The following AP1G2 variants were observed in gnomAD, a reference collection of about 807,000 sequenced individuals.
AP1G2 encodes adaptor related protein complex 1 subunit gamma 2.
AP1G2 carries 85 observed loss-of-function variants against 95.8 expected under a neutral mutation model. The observed-to-expected ratio is 0.89, with a 90% CI of 0.74 to 1.06. The LOEUF (loss-of-function observed/expected upper bound fraction) is 1.06, where lower values mean the gene tolerates loss of function less well. Among genes scored for constraint, AP1G2 ranks in the 50% least tolerant of loss-of-function variants. The pLI, the probability that AP1G2 is intolerant of heterozygous loss-of-function variation, is 0.00. For synonymous variants in AP1G2, 378 were observed against 400.0 expected, an observed-to-expected ratio of 0.94 and a Z score of 0.66; for missense variants, 967 against 1,005.8, an observed-to-expected ratio of 0.96 and a Z score of 0.52.
Position 23,564,158 on chromosome 14 carries a change from A to T in AP1G2, c.979T>A (p.Tyr327Asn). ...CGAAGCAGTGATGTCAGGGCTACAT[A>T]CCTGGTCAGGATGGGGGAGGTTCTA... is the stretch of plus-strand genomic sequence containing the variant. ...FLLNSDRNIR[Y>N]VALTSLLRLV... Residue 327 changes from tyrosine (Y) to asparagine (N), a missense_variant and splice_region_variant, in exon 11 of 22, where the codon TAT becomes AAT. Physicochemically the swap from Tyr to Asn is moderately radical, Grantham distance 143. Coordinates refer to ENST00000397120, the MANE Select transcript of AP1G2 (RefSeq NM_003917.5). 3.7e-6 allele frequency: 6 copies of T among 1,613,788 alleles called. No individual in the cohort carries two copies. Among genetic ancestry groups the T allele is most frequent in the Non-Finnish European group, 5.1e-6 (6 of 1,179,878 alleles).
In AP1G2 at chr14:23,567,424, T is replaced by C. The variant is rs1888601219; in HGVS notation, c.-5-105A>G. 7.0e-7 allele frequency: 1 copy of C among 1,432,146 alleles called. No homozygotes were observed. The allele number at this position is 1,432,146 out of a possible 1,614,324, so 88.7% of individuals were successfully genotyped here. On this transcript the variant is annotated intron_variant, in intron 1 of 21. Transcript: ENST00000397120. This position sits in a 1 kb window ranked among gnomAD's most constrained non-coding sequence, Gnocchi z 5.3. ...ACCCTAAGAGCCCGGGTCCCACAGG[T>C]ACCCTAAAATTGCGCCCGCATTTTA... is the stretch of plus-strand genomic sequence containing the variant.
intron 20 of AP1G2, 76 bp downstream of exon 20, chr14:23,560,179 C>T (rs1166515369): frequency 6.4e-7 from 1 of 1,560,296 alleles, no homozygotes; most frequent in African/African-American, 1.4e-5. Context: ...CACACTGTCT[C>T]CCACCCACCT....
At chr14:23,563,917 C>T in intron 11 of AP1G2, 61 bp from the exon 12 acceptor site, 2 of 1,600,416 alleles carry the variant, frequency 1.2e-6, no homozygotes, top group Non-Finnish European at 8.5e-7. Context: ...ATGCCTCAGG[C>T]CCTCTGCTTC....
intron 15 of AP1G2, 39 bp from the exon 16 acceptor site, chr14:23,562,454 C>G (rs776878128): frequency 6.2e-7 from 1 of 1,613,820 alleles, no homozygotes; most frequent in Non-Finnish European, 8.5e-7. Context: ...TGGTGCAAGT[C>G]CTGTCCCCCT....
chr14:23,560,277 A>G lies in AP1G2; in HGVS notation c.2135T>C (p.Ile712Thr), dbSNP rs137928651. Residue 712 changes from isoleucine to threonine, a missense_variant, in exon 20 of 22, where the codon ATC becomes ACC. By Grantham distance (89) the Ile-to-Thr change is moderately conservative. Transcript: ENST00000397120. Reference sequence around the variant, plus strand: ...AACCTTGGGCACAGCAGCCTGGCAGATGAAATGGGTGACATCACCCTCTGA... The same window carrying G: ...AACCTTGGGCACAGCAGCCTGGCAGGTGAAATGGGTGACATCACCCTCTGA... ...NFSEGDVTHF[I>T]CQAAVPKSLQ... is the part of the protein sequence containing the mutation. 1.2e-6 allele frequency: 2 copies of G among 1,613,842 alleles called. No homozygotes were observed. Among genetic ancestry groups the G allele is most frequent in the Non-Finnish European group, 1.7e-6 (2 of 1,180,026 alleles).
Position 23,561,601 on chromosome 14 carries a change from G to A in AP1G2, c.1768C>T (p.Arg590Ter), listed in dbSNP as rs34987563. The change falls in exon 18 of 22, where the codon CGA becomes TGA. Residue 590 changes from arginine to a stop codon, truncating the protein, a stop_gained. Transcript: ENST00000397120. LOFTEE classifies it high-confidence loss of function. ...AILEKMPLVERDGPQADEEAK... is the reference protein window; with the variant it reads ...AILEKMPLVE ...TCCTCATCAGCCTGAGGGCCATCTC[G>A]CTCCACAAGAGGCATTTTTTCCAGG... The A allele has an allele frequency of 6.8e-6, 11 of 1,613,956 alleles. No homozygotes were observed. Among genetic ancestry groups the A allele is most frequent in the African/African-American group, 1.3e-5 (1 of 74,970 alleles).
rs771805314 is a variant in AP1G2, at chr14:23,567,282, G to A, written c.33C>T (p.Leu11=). MVVPSLKLQD[L]IEEIRGAKTQ... ...TCTTGGCCCCGCGAATCTCTTCGAT[G>A]AGGTCCTGAAGCTTCAGCGAAGGCA... is the stretch of plus-strand genomic sequence containing the variant. Residue 11 remains leucine, a synonymous_variant, in exon 2 of 22, where the codon CTC becomes CTT. Coordinates refer to ENST00000397120, the MANE Select transcript of AP1G2 (RefSeq NM_003917.5). This position sits in a 1 kb window ranked among gnomAD's most constrained non-coding sequence, Gnocchi z 5.3. 6.2e-7 allele frequency: 1 copy of A among 1,613,416 alleles called. No homozygotes were observed. The highest frequency in any genetic ancestry group is 1.1e-5 in the South Asian group (1 of 91,032).
At position 23,561,955 on chromosome 14, in the gene AP1G2, G is replaced by A; in HGVS notation, c.1733+7C>T. 6.2e-7 allele frequency: 1 copy of A among 1,604,670 alleles called. No homozygotes were observed. ...GGTCCCATGCTGCAGCACAGTGCTG[G>A]ACACACCTCATGTGGTCGTATTTCC... is the stretch of plus-strand genomic sequence containing the variant. On this transcript the variant is annotated splice_region_variant and intron_variant, in intron 17 of 21. Transcript: ENST00000397120.
rs754208169 is a variant in AP1G2, at chr14:23,563,365, A to G, written c.1410+15T>C. The G allele has an allele frequency of 1.3e-6, 2 of 1,576,046 alleles. No individual in the cohort carries two copies. Among genetic ancestry groups the G allele is most frequent in the Non-Finnish European group, 1.7e-6 (2 of 1,161,546 alleles). On this transcript the variant is annotated intron_variant, in intron 14 of 21. Coordinates refer to ENST00000397120, the MANE Select transcript of AP1G2 (RefSeq NM_003917.5). ...TGGTTGGGCAGCCCTGGGCCTAGGT[A>G]GGTGGGAATGGTACCTGGGAAATGT...
At chr14:23,562,857 G>A (rs184784720) in intron 14 of AP1G2, 6 of 532,312 alleles carry the variant, frequency 1.1e-5, no homozygotes, top group East Asian at 3.7e-5. Context: ...CAGAGATGGT[G>A]GGGGGTTGGA....
intron 14 of AP1G2, chr14:23,562,985 AG>A: frequency 1.1e-6 from 1 of 886,060 alleles, no homozygotes; most frequent in Non-Finnish European, 1.5e-6. Flanking sequence ...CCCTTGTGGA[AG>A]GGGTGGATGA....
Position 23,567,293 on chromosome 14 carries a change from G to A in AP1G2, c.22C>T (p.Leu8Phe). The A allele has an allele frequency of 1.2e-6, 2 of 1,613,130 alleles. No homozygotes were observed. The highest frequency in any genetic ancestry group is 8.5e-7 in the Non-Finnish European group (1 of 1,179,736). MVVPSLKLQDLIEEIRGA... is the reference protein window; with the variant it reads MVVPSLKFQDLIEEIRGA... Reference sequence around the variant, plus strand: ...CGAATCTCTTCGATGAGGTCCTGAAGCTTCAGCGAAGGCACCACCATCCTG... The same window carrying A: ...CGAATCTCTTCGATGAGGTCCTGAAACTTCAGCGAAGGCACCACCATCCTG... Residue 8 changes from leucine to phenylalanine, a missense_variant, in exon 2 of 22, where the codon CTT becomes TTT. Coordinates refer to ENST00000397120, the MANE Select transcript of AP1G2 (RefSeq NM_003917.5). The surrounding 1 kb of genome is among the most constrained non-coding windows in gnomAD (Gnocchi z 5.3).
intron 20 of AP1G2, 105 bp from the exon 21 acceptor site, chr14:23,560,141 C>T: frequency 1.4e-6 from 2 of 1,462,262 alleles, no homozygotes; most frequent in Admixed American, 1.9e-5. Flanking sequence ...TCCCCAAGTG[C>T]TGATCTCCAG....
rs372080942 is a variant in AP1G2, at chr14:23,559,870, G to A, written c.2257-20C>T. The A allele has an allele frequency of 4.3e-6, 7 of 1,613,558 alleles. No individual in the cohort carries two copies. The African/African-American group carries it at 8.0e-5, about 18-fold the overall frequency. ...GGGGGCCTAGGAATAGGAGAGCAGG[G>A]ACCAGGGTTAGCACCCACGGCTTCT... On this transcript the variant is annotated intron_variant, in intron 21 of 21. Transcript: ENST00000397120.
intron 19 of AP1G2, 46 bp from the exon 20 acceptor site, chr14:23,560,464 A>G (rs751420524): frequency 3.0e-5 from 48 of 1,575,896 alleles, no homozygotes; most frequent in Non-Finnish European, 3.7e-5. Context: ...GTTTGAGAGA[A>G]CATGTTTGTT....
chr14:23,560,841 G>T, intron 19 of AP1G2: 1 of 155,932 alleles, frequency 6.4e-6, no homozygotes, highest in Non-Finnish European at 1.3e-5. Context: ...TAGATGCTAT[G>T]AAGGAAGTAA....
At chr14:23,563,005 G>C in intron 14 of AP1G2, 7 of 1,030,254 alleles carry the variant, frequency 6.8e-6, no homozygotes, top group African/African-American at 1.6e-5. Context: ...GATGCTTTCT[G>C]CCCACCCTAT....
chr14:23,563,187 A>C (rs1379286873), intron 14 of AP1G2, 193 bp downstream of exon 14: 1 of 1,435,790 alleles, frequency 7.0e-7, no homozygotes, highest in Non-Finnish European at 9.1e-7. Flanking sequence ...GTAGTTACAT[A>C]ACCAGGAGGT....
rs754696203 is a variant in AP1G2, at chr14:23,565,641, G to A, written c.706C>T (p.His236Tyr). The change falls in exon 7 of 22, where the codon CAC (histidine) becomes TAC (tyrosine). Residue 236 changes from histidine to tyrosine, a missense_variant. Transcript: ENST00000397120. Reference protein sequence around the residue: ...TLVTMGYSTEHSISGVSDPFL... With the variant: ...TLVTMGYSTEYSISGVSDPFL... ...GGGTCGCTGACTCCAGATATGCTGT[G>A]TTCTGTGGAGTATCCCATTGTCACC... 3.1e-6 allele frequency: 5 copies of A among 1,614,044 alleles called. No individual in the cohort carries two copies. The African/African-American group carries it at 5.3e-5, about 17-fold the overall frequency.
Sources: allele counts gnomAD v4.1 joint callset, GRCh38; gene constraint gnomAD v4.1.1; non-coding constraint Gnocchi (gnomAD v3.1); transcripts MANE v1.5; gene names NCBI Gene and HGNC (gene_info 2026-07-23, HGNC 2026-07-21).